Variants in SCAP observed in about 807,000 individuals in gnomAD.
SCAP encodes SREBF chaperone.
In SCAP, 65 loss-of-function variants were observed where a neutral mutation model predicts 123.6. The observed-to-expected ratio is 0.53, with a 90% CI of 0.43 to 0.65. The LOEUF is 0.65. Among genes scored for constraint, SCAP ranks in the 30% least tolerant of loss-of-function variants. The probability of loss-of-function intolerance (pLI) is 0.00; values close to 1 mark genes in which losing one functional copy is unlikely to be tolerated. For synonymous variants in SCAP, 740 were observed against 726.3 expected (o/e 1.02, Z -0.30); for missense variants, 1,398 against 1,712.5 (o/e 0.82, Z 3.24).
chr3:47,454,326 C>A (rs1476866913), intron 1 of SCAP, among the ~76,000 whole-genome samples: 1 of 151,684 alleles, frequency 6.6e-6, no homozygotes, highest in Non-Finnish European at 1.5e-5. Context: ...AGAGATCACG[C>A]CACTGCACTC....
Position 47,419,782 on chromosome 3 carries a change from A to G in SCAP, c.1564-78T>C. 1 of 1,478,486 alleles carries G rather than the reference A, an allele frequency of 6.8e-7. No individual in the cohort carries two copies. The allele number at this position is 1,478,486 out of a possible 1,614,324, so 91.6% of individuals were successfully genotyped here. On this transcript the variant is annotated intron_variant, in intron 12 of 22. Transcript: ENST00000265565. This position sits in a 1 kb window ranked among gnomAD's most constrained non-coding sequence, Gnocchi z 5.0. ...AGCTTCAGCCCTCATGCTGAGAGGA[A>G]GCAGCACAGGGACCTCAGGCCTGGG...
chr3:47,427,410 C>T, intron 5 of SCAP, 37 bp downstream of exon 5: 1 of 1,603,004 alleles, frequency 6.2e-7, no homozygotes, highest in Non-Finnish European at 8.5e-7. Flanking sequence ...CCAATGGGCA[C>T]CTTTACAGGT....
chr3:47,445,874 ATTT>A (rs35996993), intron 1 of SCAP, among the ~76,000 whole-genome samples: 3 of 122,714 alleles, frequency 2.4e-5, no homozygotes, highest in Non-Finnish European at 3.5e-5. Context: ...CCCTGTCTCA[ATTT>A]TTTTTTTTTT....
In SCAP at chr3:47,417,417, G is replaced by A. The variant is rs1418188541; in HGVS notation, c.2857C>T (p.Pro953Ser). The A allele has an allele frequency of 5.1e-6, 8 of 1,570,624 alleles. No individual in the cohort carries two copies. The change falls in exon 17 of 23, where the codon CCC (proline) becomes TCC (serine). Residue 953 changes from proline (P) to serine (S), a missense_variant. Around this residue, in one of 7 missense-constraint regions of SCAP, gnomAD observed 828 missense variants for 882.5 expected, o/e 0.94. Coordinates refer to ENST00000265565, the MANE Select transcript of SCAP (RefSeq NM_012235.4). ...GCGAGGGAAGGGGAGCCTTTCTCGG[G>A]GGAGCCACCCTCGTCCTCAGGGGCC... ...SQAPEDEGGSPEKGSPSLAWA... is the reference protein window; with the variant it reads ...SQAPEDEGGSSEKGSPSLAWA...
At chr3:47,471,591 G>A (rs56393696) in intron 1 of SCAP, among the ~76,000 whole-genome samples, 6 of 151,938 alleles carry the variant, frequency 3.9e-5, no homozygotes, top group Admixed American at 6.6e-5. Context: ...GGCTGGTCTC[G>A]AACTCCTGAC....
chr3:47,465,559 G>A (rs1707793273), intron 1 of SCAP, among the ~76,000 whole-genome samples: 1 of 151,994 alleles, frequency 6.6e-6, no homozygotes, highest in Non-Finnish European at 1.5e-5. Flanking sequence ...TTGAGCCCTG[G>A]AGTCCTCAAG....
rs1210841831 is a variant in SCAP at position 47,450,511 on chromosome 3, G to C, written c.-98-7420C>G. On this transcript the variant is annotated intron_variant, in intron 1 of 22. Coordinates refer to ENST00000265565, the MANE Select transcript of SCAP (RefSeq NM_012235.4). ...TTTGTGTAATGTGATTATATGCAGG[G>C]TTTTTTTTTTTTTTTCCTTGAGACA... Among the ~76,000 whole-genome samples the C allele has an allele frequency of 2.8e-5, 3 of 105,406 alleles. 1 individual carries two copies. The highest frequency in any genetic ancestry group is 9.8e-5 in the African/African-American group (3 of 30,556). The allele number at this position is 105,406 out of a possible 152,430, so 69.2% of individuals were successfully genotyped here.
At chr3:47,455,770 A>C (rs1707402393) in intron 1 of SCAP, among the ~76,000 whole-genome samples, 1 of 152,180 alleles carries the variant, frequency 6.6e-6, no homozygotes. Flanking sequence ...AGTCCCAATA[A>C]AAACAGGACT....
chr3:47,432,836 T>C (rs938398017), intron 3 of SCAP, among the ~76,000 whole-genome samples: 4 of 152,124 alleles, frequency 2.6e-5, no homozygotes, highest in African/African-American at 9.7e-5. Context: ...CCCGGCCCTA[T>C]TGTCCCTTTG....
rs1241229722 is a variant in SCAP, at chr3:47,419,983, C to T, written c.1564-279G>A. ...ACCCTGAGGTTTGACACAGAATGTCCCCACCCCTAAGCTCCACCTCAGCTG... is the reference window on the plus strand; with the variant it reads ...ACCCTGAGGTTTGACACAGAATGTCTCCACCCCTAAGCTCCACCTCAGCTG... On this transcript the variant is annotated intron_variant, in intron 12 of 22. Coordinates refer to ENST00000265565, the MANE Select transcript of SCAP (RefSeq NM_012235.4). This position sits in a 1 kb window ranked among gnomAD's most constrained non-coding sequence, Gnocchi z 5.0. Among the ~76,000 whole-genome samples, 1 of 152,160 alleles carries T rather than the reference C, an allele frequency of 6.6e-6. No homozygotes were observed. The highest frequency in any genetic ancestry group is 1.5e-5 in the Non-Finnish European group (1 of 68,026).
rs1706505656 is a variant in SCAP, at chr3:47,434,849, T to A, written c.252+159A>T. The A allele has an allele frequency of 9.3e-6, 8 of 862,508 alleles. No homozygotes were observed. The South Asian group carries it at 1.5e-4, about 16-fold the overall frequency. 53.4% of individuals were successfully genotyped at this position (862,508 alleles called of 1,614,324 possible). ...CAAAACTCCATCTCAAAAAAAAATG[T>A]ATAAACTAAGTATCTATATGGTACA... is the stretch of plus-strand genomic sequence containing the variant. On this transcript the variant is annotated intron_variant, in intron 3 of 22. Transcript: ENST00000265565.
In SCAP at chr3:47,414,547, C is replaced by A. The variant is rs369999463; in HGVS notation, c.3387+25G>T. On this transcript the variant is annotated intron_variant, in intron 21 of 22. Coordinates refer to ENST00000265565, the MANE Select transcript of SCAP (RefSeq NM_012235.4). ...AACATGGGCCACAGACTCTGTACCC[C>A]CTACCCCACCTGCAGGCCGCTTACC... The A allele has an allele frequency of 1.9e-6, 3 of 1,612,764 alleles. No homozygotes were observed. In the African/African-American group the frequency reaches 4.0e-5, roughly 22 times the overall value.
intron 5 of SCAP, 27 bp from the exon 6 acceptor site, chr3:47,427,289 A>G: frequency 1.9e-6 from 3 of 1,594,444 alleles, no homozygotes; most frequent in Non-Finnish European, 2.6e-6. Flanking sequence ...GCAGGTACTG[A>G]CACAGAAATG....
At chr3:47,463,489 G>A (rs913095225) in intron 1 of SCAP, among the ~76,000 whole-genome samples, 1 of 152,106 alleles carries the variant, frequency 6.6e-6, no homozygotes, top group African/African-American at 2.4e-5. Flanking sequence ...ATCACTTGAG[G>A]TCAGGAGTTT....
intron 1 of SCAP, among the ~76,000 whole-genome samples, chr3:47,458,194 A>G (rs935919467): frequency 1.3e-5 from 2 of 152,138 alleles, no homozygotes; most frequent in African/African-American, 4.8e-5. Context: ...GCACTTTGGG[A>G]GGCCAAGGCG....
Position 47,425,998 on chromosome 3 carries a change from C to T in SCAP, c.909G>A (p.Thr303=), listed in dbSNP as rs768382134. The T allele has an allele frequency of 1.8e-5, 29 of 1,613,942 alleles. No homozygotes were observed. The Admixed American group carries it at 2.0e-4, about 11-fold the overall frequency. Reference sequence around the variant, plus strand: ...TCAGCCTCCCTGCCATGAACCTACGCGTGGAGAAGTAGATGTAGGCAAACA... The same window carrying T: ...TCAGCCTCCCTGCCATGAACCTACGTGTGGAGAAGTAGATGTAGGCAAACA... ...IILFAYIYFS[T]RKIDMVKSKW... Residue 303 remains threonine (T), a splice_region_variant and synonymous_variant, in exon 7 of 23, where the codon ACG becomes ACA. Transcript: ENST00000265565.
At position 47,439,370 on chromosome 3, in the gene SCAP, T is replaced by C. The variant is rs775723913; in HGVS notation, c.122+3502A>G. Among the ~76,000 whole-genome samples, 19 of 152,062 alleles carry C rather than the reference T, an allele frequency of 1.2e-4. No individual in the cohort carries two copies. Among genetic ancestry groups the C allele is most frequent in the African/African-American group, 3.6e-4 (15 of 41,482 alleles). On this transcript the variant is annotated intron_variant, in intron 2 of 22. Transcript: ENST00000265565. The surrounding 1 kb of genome is among the most constrained non-coding windows in gnomAD (Gnocchi z 4.0). The stretch of plus-strand genomic sequence containing the variant: ...GTTGCAGTAAGCCATGATTGTGCCA[T>C]TGCACTCCAGCCTGGGCGACAGAGT...
Position 47,427,435 on chromosome 3 carries a change from T to C in SCAP, c.631+12A>G. 1.2e-6 allele frequency: 2 copies of C among 1,613,560 alleles called. No individual in the cohort carries two copies. The highest frequency in any genetic ancestry group is 1.7e-6 in the Non-Finnish European group (2 of 1,179,458). ...CCTTTACAGGTCTGAAGGGAACTTGTACTGGGGCTACCTTTGAGTGTGGCT... is the reference window on the plus strand; with the variant it reads ...CCTTTACAGGTCTGAAGGGAACTTGCACTGGGGCTACCTTTGAGTGTGGCT... On this transcript the variant is annotated intron_variant, in intron 5 of 22. Coordinates refer to ENST00000265565, the MANE Select transcript of SCAP (RefSeq NM_012235.4).
intron 2 of SCAP, among the ~76,000 whole-genome samples, chr3:47,440,294 C>T (rs750486395): frequency 7.2e-5 from 11 of 152,172 alleles, no homozygotes; most frequent in Non-Finnish European, 1.5e-4. Flanking sequence ...GAAGGGGGCA[C>T]TGCTCTGCTG....
Sources: gnomAD v4.1 joint callset for allele counts (sites outside exome capture counted in the v4.1 genomes callset) on GRCh38, gnomAD v4.1.1 for gene constraint, gnomAD v4.1.1 regional missense constraint, Gnocchi (gnomAD v3.1) non-coding constraint, MANE v1.5 for transcripts, NCBI Gene and HGNC (gene_info 2026-07-23, HGNC 2026-07-21) for gene names.